The following ATP2C2 variants were observed in gnomAD, a reference collection of about 807,000 sequenced individuals.
The protein encoded by ATP2C2 is calcium-transporting ATPase type 2C member 2.
Under a neutral mutation model 110.8 loss-of-function variants are expected in ATP2C2, and 171 were observed. The observed-to-expected ratio is 1.54, with a 90% confidence interval of 1.36 to 1.75. The LOEUF is 1.75. ATP2C2 is among the 40% of genes most tolerant of loss of function. The pLI is 0.00. For synonymous variants in ATP2C2, 804 were observed against 508.4 expected, an observed-to-expected ratio of 1.58 and a Z score of -7.82; for missense variants, 1,963 against 1,235.0, an observed-to-expected ratio of 1.59 and a Z score of -8.84.
At chr16:84,444,379 A>C (rs922595387) in intron 15 of ATP2C2, among the ~76,000 whole-genome samples, 2 of 152,092 alleles carry the variant, frequency 1.3e-5, no homozygotes, top group Non-Finnish European at 2.9e-5. Context: ...AGGCTGAGGC[A>C]GGAGAATTGC....
chr16:84,453,592 C>T (rs1910520168), intron 20 of ATP2C2, among the ~76,000 whole-genome samples: 1 of 152,182 alleles, frequency 6.6e-6, no homozygotes, highest in Non-Finnish European at 1.5e-5. Flanking sequence ...GAGGACGAGG[C>T]TCTGAAGTTG....
chr16:84,430,026 C>G lies in ATP2C2; in HGVS notation c.986+4225C>G, dbSNP rs570187266. 2.0e-4 allele frequency among the ~76,000 whole-genome samples: 30 copies of G among 149,884 alleles called. No individual in the cohort carries two copies. The South Asian group carries it at 5.2e-3, about 26-fold the overall frequency. ...CCTCCTCTGTCTCTGCGTCTCTTCT[C>G]TTCTTTTTATAAGGACGCCAGTTGT... On this transcript the variant is annotated intron_variant, in intron 11 of 26. Transcript: ENST00000262429.
chr16:84,376,026 TC>T (rs924235432), intron 1 of ATP2C2, among the ~76,000 whole-genome samples: 3 of 151,804 alleles, frequency 2.0e-5, no homozygotes, highest in African/African-American at 7.2e-5. Flanking sequence ...AGAATCCAGA[TC>T]CCCAGGGGTG....
intron 8 of ATP2C2, 24 bp downstream of exon 8, chr16:84,422,563 T>C: frequency 6.2e-7 from 1 of 1,612,424 alleles, no homozygotes; most frequent in Non-Finnish European, 8.5e-7. Flanking sequence ...CACCGAGGCC[T>C]TGGGCTCCCG....
At chr16:84,389,275 AAC>A (rs1904507236) in intron 1 of ATP2C2, among the ~76,000 whole-genome samples, 1 of 152,070 alleles carries the variant, frequency 6.6e-6, no homozygotes, top group Non-Finnish European at 1.5e-5. Context: ...TACCTCTCTC[AAC>A]TGCTTTCTCA....
At chr16:84,409,725 C>T (rs1906102957) in intron 4 of ATP2C2, among the ~76,000 whole-genome samples, 1 of 152,084 alleles carries the variant, frequency 6.6e-6, no homozygotes, top group African/African-American at 2.4e-5. Context: ...CTGATGTCGA[C>T]CTCTTGACCT....
chr16:84,435,457 A>G (rs980596016), intron 11 of ATP2C2, among the ~76,000 whole-genome samples: 1 of 152,180 alleles, frequency 6.6e-6, no homozygotes, highest in African/African-American at 2.4e-5. Context: ...AAGCATTGTT[A>G]TACCCCCTTC....
intron 11 of ATP2C2, among the ~76,000 whole-genome samples, chr16:84,438,256 G>C (rs373950): frequency 4.3e-4 from 65 of 152,206 alleles, no homozygotes; most frequent in African/African-American, 1.5e-3. Flanking sequence ...CCCAGCTTCA[G>C]CAGTGGCCCA....
chr16:84,379,657 T>A (rs747263538), intron 1 of ATP2C2, among the ~76,000 whole-genome samples: 1 of 152,022 alleles, frequency 6.6e-6, no homozygotes, highest in Non-Finnish European at 1.5e-5. Flanking sequence ...CTCCCTGGAG[T>A]TTGAGTACTG....
At chr16:84,432,565 G>A (rs180833587) in intron 11 of ATP2C2, among the ~76,000 whole-genome samples, 3 of 152,086 alleles carry the variant, frequency 2.0e-5, no homozygotes, top group South Asian at 4.2e-4. Context: ...GCTCTGTCCA[G>A]GCTGGAGTGC....
intron 6 of ATP2C2, 100 bp downstream of exon 6, chr16:84,410,865 C>T (rs1214202985): frequency 9.1e-6 from 11 of 1,214,362 alleles, no homozygotes; most frequent in East Asian, 2.4e-5. Context: ...TTGGTAGTGT[C>T]GGACAAGAGA....
chr16:84,404,432 A>G (rs558901126), intron 2 of ATP2C2: 2 of 161,964 alleles, frequency 1.2e-5, no homozygotes, highest in East Asian at 3.5e-4. Flanking sequence ...ATGTGGAATC[A>G]ACAGAATTTG....
intron 17 of ATP2C2, among the ~76,000 whole-genome samples, chr16:84,450,957 G>A (rs1910203631): frequency 1.3e-5 from 2 of 152,184 alleles, no homozygotes; most frequent in South Asian, 4.1e-4. Context: ...CCAGCTCACA[G>A]GTTTCTGCAG....
chr16:84,451,151 C>G (rs1910220395), intron 17 of ATP2C2, among the ~76,000 whole-genome samples: 1 of 152,150 alleles, frequency 6.6e-6, no homozygotes, highest in Admixed American at 6.5e-5. Context: ...GCACGTCTTA[C>G]ATGGCAGCCG....
chr16:84,403,151 T>A (rs1277716412), intron 2 of ATP2C2, among the ~76,000 whole-genome samples: 1 of 152,216 alleles, frequency 6.6e-6, no homozygotes, highest in African/African-American at 2.4e-5. Context: ...TTTCTGTTTG[T>A]ATTTATTTGG....
chr16:84,427,727 C>G (rs112372771), intron 11 of ATP2C2, among the ~76,000 whole-genome samples: 4 of 152,106 alleles, frequency 2.6e-5, no homozygotes, highest in Middle Eastern at 3.4e-3. Flanking sequence ...AAAAAAGAAA[C>G]AAACCAAAAC....
chr16:84,455,169 G>C (rs1208924637), intron 21 of ATP2C2, among the ~76,000 whole-genome samples, 185 bp downstream of exon 21: 2 of 152,062 alleles, frequency 1.3e-5, no homozygotes, highest in African/African-American at 4.8e-5. Context: ...TCTCATAGCA[G>C]GGTCATGGGG....
intron 6 of ATP2C2, among the ~76,000 whole-genome samples, chr16:84,412,483 T>A (rs1245583892): frequency 7.3e-6 from 1 of 136,804 alleles, no homozygotes; most frequent in South Asian, 2.3e-4. Context: ...TGTGCATGTG[T>A]ATGTGTGCAT....
Position 84,415,671 on chromosome 16 carries a change from G to T in ATP2C2, c.624+80G>T, listed in dbSNP as rs139512871. 49 of 1,161,914 alleles carry T rather than the reference G, an allele frequency of 4.2e-5. No individual in the cohort carries two copies. The African/African-American group carries it at 5.5e-4, about 13-fold the overall frequency. 72.0% of individuals were successfully genotyped at this position (1,161,914 alleles called of 1,614,324 possible). A position where few individuals can be genotyped will look rare whatever the true frequency, so the allele number is the denominator to read the frequency against. ...CAGACACTTAGCTAATTGTAGGCATGTATAGTCTCTCTCATACACACATGC... is the reference window on the plus strand; with the variant it reads ...CAGACACTTAGCTAATTGTAGGCATTTATAGTCTCTCTCATACACACATGC... On this transcript the variant is annotated intron_variant, in intron 7 of 26. Transcript: ENST00000262429.
Sources: allele counts gnomAD v4.1 joint callset (sites outside exome capture counted in the v4.1 genomes callset), GRCh38; gene constraint gnomAD v4.1.1; transcripts MANE v1.5; gene names NCBI Gene and HGNC (gene_info 2026-07-23, HGNC 2026-07-21).